Variants in SENP1 observed in about 807,000 individuals in gnomAD.
SENP1 encodes SUMO specific peptidase 1.
In SENP1, 21 loss-of-function variants were observed where a neutral mutation model predicts 93.0. The ratio of observed to expected loss-of-function variants is 0.23; its 90% CI spans 0.16 to 0.33. SENP1 has a LOEUF of 0.33. Ranked by LOEUF, SENP1 falls within the 10% of genes least tolerant of loss-of-function variation. The probability of loss-of-function intolerance (pLI) is 1.00; values close to 1 mark genes in which losing one functional copy is unlikely to be tolerated. For missense variants in SENP1, 591 were observed against 758.7 expected (o/e 0.78, Z 2.60); for synonymous variants, 256 against 259.6 (o/e 0.99, Z 0.13).
rs201344041 is a variant in SENP1 at position 48,045,358 on chromosome 12, C to T, written c.1899G>A (p.Arg633=). Residue 633 remains arginine (R), a synonymous_variant, in exon 18 of 18, where the codon CGG becomes CGA. Coordinates refer to ENST00000549518, the MANE Select transcript of SENP1 (RefSeq NM_001267594.2). ...TTCGGTGGAGGATCTCCCAGACCAT[C>T]CGCTTCCGGAAGTATGGCATGTGTT... is the stretch of plus-strand genomic sequence containing the variant. ...TQQHMPYFRK[R]MVWEILHRKL... is the part of the protein sequence containing the mutation. 5.0e-4 allele frequency: 814 copies of T among 1,613,716 alleles called. 5 individuals carry two copies. The Middle Eastern group carries it at 0.014, about 27-fold the overall frequency.
intron 10 of SENP1, among the ~76,000 whole-genome samples, chr12:48,066,322 A>C (rs1304248140): frequency 6.6e-6 from 1 of 152,158 alleles, no homozygotes; most frequent in Non-Finnish European, 1.5e-5. Flanking sequence ...AATATGAATT[A>C]TTCAATAAAT....
Position 48,096,427 on chromosome 12 carries a change from T to C in SENP1, c.136A>G (p.Ile46Val), listed in dbSNP as rs1945561506. Residue 46 changes from isoleucine (I) to valine (V), a missense_variant and splice_region_variant, in exon 4 of 18, where the codon ATT becomes GTT. Ile to Val is a conservative substitution (Grantham distance 29). This residue lies in a region of SENP1 where 214 missense variants were observed against 243.4 expected (regional missense o/e 0.88). Transcript: ENST00000549518. ...EDQLSLSDQQ[I>V]LSSRQGHLDR... ...AAATGTCCTTGCCTGGAAGATAAAA[T>C]CTAAACAAAGCAGAAGATTTTTCTT... 20 of 1,597,564 alleles carry C rather than the reference T, an allele frequency of 1.3e-5. No homozygotes were observed. Among genetic ancestry groups the C allele is most frequent in the East Asian group, 4.5e-5 (2 of 44,762 alleles).
rs775783131 is a variant in SENP1, at chr12:48,105,956, G to C, written c.-45+72C>G. 1.9e-5 allele frequency: 13 copies of C among 694,192 alleles called. No homozygotes were observed. In the East Asian group the frequency reaches 2.7e-4, roughly 14 times the overall value. The allele number at this position is 694,192 out of a possible 1,614,324, so 43.0% of individuals were successfully genotyped here. On this transcript the variant is annotated intron_variant, in intron 1 of 17. Coordinates refer to ENST00000549518, the MANE Select transcript of SENP1 (RefSeq NM_001267594.2). ...CCAGTCCAGCCCGGGCCGGCTGACC[G>C]GGTCCGACACAGTCTCCTGGACCAG... is the stretch of plus-strand genomic sequence containing the variant.
At chr12:48,062,134 G>A (rs918843447) in intron 13 of SENP1, among the ~76,000 whole-genome samples, 5 of 152,070 alleles carry the variant, frequency 3.3e-5, no homozygotes, top group Non-Finnish European at 7.4e-5. Flanking sequence ...TAAATAGCAA[G>A]AACTCAGCTC....
At position 48,101,457 on chromosome 12, in the gene SENP1, A is replaced by G; in HGVS notation, c.4+12T>C. 2 of 1,596,676 alleles carry G rather than the reference A, an allele frequency of 1.3e-6. No homozygotes were observed. Among genetic ancestry groups the G allele is most frequent in the Non-Finnish European group, 1.7e-6 (2 of 1,171,592 alleles). ...AAGTAGCTAAAAGGATTCAACAGCTAGTTAGTCTTACCCATTTCAAGTCTT... is the reference window on the plus strand; with the variant it reads ...AAGTAGCTAAAAGGATTCAACAGCTGGTTAGTCTTACCCATTTCAAGTCTT... On this transcript the variant is annotated intron_variant, in intron 2 of 17. Transcript: ENST00000549518.
At chr12:48,056,344 T>C (rs1280759827) in intron 13 of SENP1, among the ~76,000 whole-genome samples, 1 of 82,208 alleles carries the variant, frequency 1.2e-5, no homozygotes, top group Non-Finnish European at 2.5e-5. Context: ...TTTAATATAT[T>C]ACATATAATA....
At chr12:48,050,716 A>G (rs1433312095) in intron 13 of SENP1, among the ~76,000 whole-genome samples, 3 of 152,248 alleles carry the variant, frequency 2.0e-5, no homozygotes, top group African/African-American at 4.8e-5. Flanking sequence ...GAAGGCAGCC[A>G]TAAATGCAGT....
chr12:48,047,745 A>G (rs1363656175), intron 15 of SENP1, among the ~76,000 whole-genome samples: 1 of 152,224 alleles, frequency 6.6e-6, no homozygotes, highest in Non-Finnish European at 1.5e-5. Context: ...GGTTGGATTA[A>G]ATGATTTCTA....
At chr12:48,071,855 G>A in intron 8 of SENP1, 134 bp from the exon 9 acceptor site, 2 of 561,852 alleles carry the variant, frequency 3.6e-6, no homozygotes, top group South Asian at 2.8e-5. Context: ...AGGTTAGATG[G>A]GAGAGAGAGA....
Position 48,074,768 on chromosome 12 carries a change from ATC to A in SENP1, c.576_577del (p.Glu192AspfsTer32). Reference sequence around the variant, plus strand: ...GACCATCTGTAGCAGCTGTCTGTAAATCTCTCTTTCTTCTTCTTGAACTGTCT... The same window carrying A: ...GACCATCTGTAGCAGCTGTCTGTAAATCTCTTTCTTCTTCTTGAACTGTCT... On this transcript the variant is annotated frameshift_variant, in exon 7 of 18. Coordinates refer to ENST00000549518, the MANE Select transcript of SENP1 (RefSeq NM_001267594.2). LOFTEE classifies it high-confidence loss of function. 6.2e-7 allele frequency: 1 copy of A among 1,611,708 alleles called. No homozygotes were observed. The highest frequency in any genetic ancestry group is 2.2e-5 in the East Asian group (1 of 44,854).
intron 13 of SENP1, among the ~76,000 whole-genome samples, chr12:48,057,297 T>C (rs1198938324): frequency 4.7e-5 from 7 of 147,484 alleles, no homozygotes; most frequent in Non-Finnish European, 7.4e-5. Flanking sequence ...TGGTGTGATC[T>C]TGGCTCACTG....
chr12:48,079,188 A>G lies in SENP1; in HGVS notation c.553-4395T>C, dbSNP rs554870545. The stretch of plus-strand genomic sequence containing the variant: ...AAAAATTAAAATTAAAGAAAGCCCT[A>G]ACTGTTCTTTACTGAATAAGAAAAT... On this transcript the variant is annotated intron_variant, in intron 6 of 17. Coordinates refer to ENST00000549518, the MANE Select transcript of SENP1 (RefSeq NM_001267594.2). 3.3e-5 allele frequency among the ~76,000 whole-genome samples: 5 copies of G among 152,134 alleles called. No individual in the cohort carries two copies. The South Asian group carries it at 1.0e-3, about 32-fold the overall frequency.
intron 15 of SENP1, 34 bp from the exon 16 acceptor site, chr12:48,047,096 G>A (rs781768224): frequency 1.5e-6 from 2 of 1,364,516 alleles, no homozygotes; most frequent in African/African-American, 1.4e-5. Context: ...GATAAGCAGT[G>A]GGGAACATCG....
At chr12:48,084,935 C>T (rs913455290) in intron 5 of SENP1, 1 of 524,392 alleles carries the variant, frequency 1.9e-6, no homozygotes, top group African/African-American at 1.9e-5. Context: ...CCAAATCAGA[C>T]AAGATCTAAA....
Position 48,063,587 on chromosome 12 carries a change from T to C in SENP1, c.1407+123A>G. The C allele has an allele frequency of 4.4e-6, 4 of 902,550 alleles. No individual in the cohort carries two copies. The South Asian group carries it at 5.2e-5, about 12-fold the overall frequency. 55.9% of individuals were successfully genotyped at this position (902,550 alleles called of 1,614,324 possible). On this transcript the variant is annotated intron_variant, in intron 13 of 17. Transcript: ENST00000549518. ...TCATAGTTACAAGAATGAAGAGGCC[T>C]ATGAGAGATGATTCCAATGCAGGTC... is the stretch of plus-strand genomic sequence containing the variant.
chr12:48,051,061 C>T (rs1941766949), intron 13 of SENP1, among the ~76,000 whole-genome samples: 1 of 149,038 alleles, frequency 6.7e-6, no homozygotes, highest in Non-Finnish European at 1.5e-5. Context: ...GAGATTACCT[C>T]TGGAATCGTA....
chr12:48,079,436 T>C (rs1592403320), intron 6 of SENP1, among the ~76,000 whole-genome samples: 2 of 151,056 alleles, frequency 1.3e-5, no homozygotes, highest in South Asian at 2.1e-4. Context: ...GAGACGGAGG[T>C]TGCAGTGAGC....
intron 4 of SENP1, among the ~76,000 whole-genome samples, chr12:48,093,573 C>T (rs1462292470): frequency 1.3e-5 from 2 of 151,782 alleles, no homozygotes; most frequent in Non-Finnish European, 2.9e-5. Flanking sequence ...CCTGAGCCAT[C>T]GCACCCAGCC....
intron 9 of SENP1, among the ~76,000 whole-genome samples, chr12:48,069,012 G>A (rs183407193): frequency 6.6e-6 from 1 of 151,848 alleles, no homozygotes; most frequent in African/African-American, 2.4e-5. Context: ...AATTAGCTGG[G>A]TGTGGTGGCA....
Sources: gnomAD v4.1 joint callset for allele counts (sites outside exome capture counted in the v4.1 genomes callset) on GRCh38, gnomAD v4.1.1 for gene constraint, gnomAD v4.1.1 regional missense constraint, MANE v1.5 for transcripts, NCBI Gene and HGNC (gene_info 2026-07-23, HGNC 2026-07-21) for gene names.